The following PDE4D variants were observed in gnomAD, a reference collection of about 807,000 sequenced individuals.
PDE4D encodes phosphodiesterase 4D, also known as 3',5'-cyclic-AMP phosphodiesterase 4D.
PDE4D carries 24 observed loss-of-function variants against 87.4 expected under a neutral mutation model. The observed-to-expected ratio is 0.27, with a 90% confidence interval of 0.20 to 0.39. The LOEUF (loss-of-function observed/expected upper bound fraction) is 0.39, where lower values mean the gene tolerates loss of function less well. PDE4D is among the 10% of genes least tolerant of loss of function. The pLI is 1.00. For synonymous variants in PDE4D, 384 were observed against 383.2 expected, an observed-to-expected ratio of 1.00 and a Z score of -0.02; for missense variants, 714 against 1,041.0, an observed-to-expected ratio of 0.69 and a Z score of 4.32.
At chr5:60,519,152 A>G (rs1750930139) in intron 1 of PDE4D, among the ~76,000 whole-genome samples, 1 of 152,248 alleles carries the variant, frequency 6.6e-6, no homozygotes, top group African/African-American at 2.4e-5. Context: ...TGAAGTACTT[A>G]TTTAAAAGAG....
At chr5:60,482,570 A>G (rs37762) in intron 1 of PDE4D, among the ~76,000 whole-genome samples, 17,036 of 152,224 alleles carry the variant, frequency 0.11, 1,351 homozygotes, top group East Asian at 0.37. Flanking sequence ...CAACAAGGTG[A>G]TAAGAGTGGA....
intron 2 of PDE4D, among the ~76,000 whole-genome samples, chr5:60,181,952 C>T (rs1391205014): frequency 6.6e-6 from 1 of 152,176 alleles, no homozygotes; most frequent in South Asian, 2.1e-4. Flanking sequence ...TTGTCTGTAC[C>T]TTTCCTTCCC....
intron 6 of PDE4D, among the ~76,000 whole-genome samples, chr5:59,022,835 G>C (rs779247611): frequency 2.0e-5 from 3 of 152,210 alleles, no homozygotes; most frequent in Non-Finnish European, 2.9e-5. Context: ...TTGGAATCTA[G>C]TGCTCACTAA....
At chr5:59,405,338 T>A (rs1255128505) in intron 1 of PDE4D, among the ~76,000 whole-genome samples, 1 of 152,174 alleles carries the variant, frequency 6.6e-6, no homozygotes, top group Non-Finnish European at 1.5e-5. Context: ...TTGTAGCTAT[T>A]ATAAATGGGA....
intron 1 of PDE4D, among the ~76,000 whole-genome samples, chr5:59,335,174 C>A (rs971491907): frequency 1.3e-5 from 2 of 152,172 alleles, no homozygotes; most frequent in African/African-American, 4.8e-5. Context: ...GGAACCATGT[C>A]GGTATGTTTA....
chr5:59,325,994 A>C (rs916629199), intron 1 of PDE4D, among the ~76,000 whole-genome samples: 1 of 152,280 alleles, frequency 6.6e-6, no homozygotes, highest in African/African-American at 2.4e-5. Flanking sequence ...GGAAACTATC[A>C]TTCTCAGCAA....
At chr5:60,182,618 C>T (rs1036296986) in intron 2 of PDE4D, among the ~76,000 whole-genome samples, 1 of 152,066 alleles carries the variant, frequency 6.6e-6, no homozygotes, top group African/African-American at 2.4e-5. Context: ...GTGGCTCATG[C>T]CTGTAATCCC....
At chr5:59,567,190 CA>C (rs1401380278) in intron 1 of PDE4D, among the ~76,000 whole-genome samples, 90 of 152,256 alleles carry the variant, frequency 5.9e-4, no homozygotes, top group Non-Finnish European at 8.5e-4. Flanking sequence ...CTAGCCACGT[CA>C]AAAAAAGTTG....
intron 3 of PDE4D, among the ~76,000 whole-genome samples, chr5:59,959,942 A>G (rs1318273558): frequency 6.6e-6 from 1 of 152,198 alleles, no homozygotes; most frequent in Non-Finnish European, 1.5e-5. Context: ...TTTGCAAACT[A>G]TGCATTCAAC....
chr5:59,319,160 A>ATG (rs59099367), intron 1 of PDE4D, among the ~76,000 whole-genome samples: 19,131 of 139,640 alleles, frequency 0.14, 1,349 homozygotes, highest in Middle Eastern at 0.28. Context: ...GTACATATAT[A>ATG]TGTGTGTGTG....
intron 1 of PDE4D, among the ~76,000 whole-genome samples, chr5:60,397,204 T>G (rs1189006316): frequency 6.6e-6 from 1 of 152,162 alleles, no homozygotes; most frequent in African/African-American, 2.4e-5. Context: ...GGAATGTAAA[T>G]TAGTGCAGCC....
At chr5:59,589,665 G>A (rs931161547) in intron 1 of PDE4D, among the ~76,000 whole-genome samples, 2 of 151,986 alleles carry the variant, frequency 1.3e-5, no homozygotes, top group African/African-American at 4.8e-5. Context: ...CATCACCTAT[G>A]GGTGATAGGA....
intron 1 of PDE4D, among the ~76,000 whole-genome samples, chr5:59,504,939 TGCGTGCGC>T (rs1808979264): frequency 7.4e-6 from 1 of 134,678 alleles, no homozygotes; most frequent in South Asian, 2.3e-4. Flanking sequence ...TGTGTGTGTG[TGCGTGCGC>T]GTGTGTTTGT....
chr5:59,271,333 C>T (rs1763813016), intron 1 of PDE4D, among the ~76,000 whole-genome samples: 1 of 152,028 alleles, frequency 6.6e-6, no homozygotes, highest in Non-Finnish European at 1.5e-5. Flanking sequence ...GCTACGCCGC[C>T]TGGCCAAAAA....
At chr5:60,316,117 G>A (rs1038911565) in intron 1 of PDE4D, among the ~76,000 whole-genome samples, 1 of 152,172 alleles carries the variant, frequency 6.6e-6, no homozygotes. Flanking sequence ...TCCTACCCAT[G>A]ATTATGGAAT....
chr5:59,409,960 T>G (rs1792366065), intron 1 of PDE4D, among the ~76,000 whole-genome samples: 1 of 152,202 alleles, frequency 6.6e-6, no homozygotes, highest in Non-Finnish European at 1.5e-5. Flanking sequence ...AGTAAGTATA[T>G]GAATTTATGG....
At chr5:59,706,117 C>T (rs1282502082) in intron 1 of PDE4D, among the ~76,000 whole-genome samples, 1 of 152,190 alleles carries the variant, frequency 6.6e-6, no homozygotes, top group Non-Finnish European at 1.5e-5. Flanking sequence ...ATTCTATACA[C>T]ACCCTGATAT....
chr5:59,031,433 C>T lies in PDE4D; in HGVS notation c.921+7426G>A, dbSNP rs368639439. Among the ~76,000 whole-genome samples, 7 of 139,792 alleles carry T rather than the reference C, an allele frequency of 5.0e-5. No individual in the cohort carries two copies. In the East Asian group the frequency reaches 1.4e-3, roughly 28 times the overall value. 91.7% of individuals were successfully genotyped at this position (139,792 alleles called of 152,430 possible). On this transcript the variant is annotated intron_variant, in intron 6 of 14. Coordinates refer to ENST00000340635, the MANE Select transcript of PDE4D (RefSeq NM_001104631.2). Reference sequence around the variant, plus strand: ...ATATATATAGATTATACAGGCCGGGCGCAGTGGCTCAGATCTGTAATCCCA... The same window carrying T: ...ATATATATAGATTATACAGGCCGGGTGCAGTGGCTCAGATCTGTAATCCCA...
chr5:59,095,814 T>A (rs1258798743), intron 5 of PDE4D, among the ~76,000 whole-genome samples: 1 of 152,210 alleles, frequency 6.6e-6, no homozygotes, highest in African/African-American at 2.4e-5. Context: ...TAAGAATCAT[T>A]CTTTCTTAAA....
Sources: allele counts gnomAD v4.1 joint callset (sites outside exome capture counted in the v4.1 genomes callset), GRCh38; gene constraint gnomAD v4.1.1; transcripts MANE v1.5; gene names NCBI Gene and HGNC (gene_info 2026-07-23, HGNC 2026-07-21).